SUGP2: variants seen among roughly 807,000 people sequenced by gnomAD.
The protein encoded by SUGP2 is SURP and G-patch domain containing 2.
In SUGP2, 24 loss-of-function variants were observed where a neutral mutation model predicts 90.5. The ratio of observed to expected loss-of-function variants is 0.27; its 90% CI spans 0.19 to 0.37. The LOEUF (loss-of-function observed/expected upper bound fraction) is 0.37, where lower values mean the gene tolerates loss of function less well. Among genes scored for constraint, SUGP2 ranks in the 10% least tolerant of loss-of-function variants. The pLI is 1.00. For synonymous variants in SUGP2, 473 were observed against 513.4 expected, an observed-to-expected ratio of 0.92 and a Z score of 1.06; for missense variants, 1,233 against 1,363.3, an observed-to-expected ratio of 0.90 and a Z score of 1.51.
At chr19:19,031,309 G>A (rs1244960947) in intron 1 of SUGP2, among the ~76,000 whole-genome samples, 4 of 152,174 alleles carry the variant, frequency 2.6e-5, no homozygotes, top group East Asian at 1.9e-4. Flanking sequence ...TGAGGTGAGC[G>A]GATCATTTAA....
chr19:19,006,584 A>G (rs1316371684), intron 6 of SUGP2, among the ~76,000 whole-genome samples: 3 of 152,232 alleles, frequency 2.0e-5, no homozygotes, highest in African/African-American at 7.2e-5. Flanking sequence ...TTCATTGAAA[A>G]AAAAGAAAGT....
At chr19:19,007,636 A>G (rs1341709221) in intron 6 of SUGP2, among the ~76,000 whole-genome samples, 1 of 149,176 alleles carries the variant, frequency 6.7e-6, no homozygotes, top group Non-Finnish European at 1.5e-5. Flanking sequence ...TTTTATTTTT[A>G]GTATAGAGAC....
rs1256907670 is a variant in SUGP2 at position 18,991,217 on chromosome 19, G to C, written c.*2524C>G. The C allele has an allele frequency of 6.6e-6, 1 of 152,138 alleles. No individual in the cohort carries two copies. Among genetic ancestry groups the C allele is most frequent in the South Asian group, 2.1e-4 (1 of 4,814 alleles). The allele number at this position is 152,138 out of a possible 1,614,324, so 9.4% of individuals were successfully genotyped here. On this transcript the variant is annotated 3_prime_UTR_variant, in exon 11 of 11. Transcript: ENST00000452918. ...CCACCACACATCACGCGCGACACGA[G>C]GATCCTGCAGAGCGGCCTCTGCAGA...
In SUGP2 at chr19:19,024,910, A is replaced by C; in HGVS notation, c.1438T>G (p.Leu480Val). The change falls in exon 3 of 11, where the codon TTG becomes GTG. Residue 480 changes from leucine to valine, a missense_variant. This residue lies in a region of SUGP2 where 59 missense variants were observed against 92.6 expected (regional missense o/e 0.64). Transcript: ENST00000452918. Reference sequence around the variant, plus strand: ...GAAAATGTCTGTCCCAAAAGGGCCAAAGACTTCCGGCAGAGAGAGTTGGTG... The same window carrying C: ...GAAAATGTCTGTCCCAAAAGGGCCACAGACTTCCGGCAGAGAGAGTTGGTG... Reference protein sequence around the residue: ...ETTNSLCRKSLALLGQTFSLA... With the variant: ...ETTNSLCRKSVALLGQTFSLA... 6.2e-7 allele frequency: 1 copy of C among 1,614,196 alleles called. No individual in the cohort carries two copies. The highest frequency in any genetic ancestry group is 8.5e-7 in the Non-Finnish European group (1 of 1,180,038).
intron 8 of SUGP2, among the ~76,000 whole-genome samples, chr19:19,000,710 C>CA (rs1298378292): frequency 2.1e-5 from 3 of 144,040 alleles, no homozygotes; most frequent in African/African-American, 7.7e-5. Flanking sequence ...ATAACTTGAA[C>CA]TTTTTTTTTT....
chr19:19,026,482 C>T (rs2058937526), intron 2 of SUGP2, among the ~76,000 whole-genome samples: 1 of 152,224 alleles, frequency 6.6e-6, no homozygotes, highest in South Asian at 2.1e-4. Flanking sequence ...ATGACGTCAA[C>T]CCAGGCTGGG....
At chr19:19,033,539 CCGCAGCGCCGCGCCGCGCAGG>C (rs2059284438), upstream of SUGP2, 4 of 1,324,840 alleles carry the variant, frequency 3.0e-6, no homozygotes, top group South Asian at 5.2e-5. Flanking sequence ...CCAACGGTCT[CCGCAGCGCCGCGCCGCGCAGG>C]CGCAAGCCGC....
intron 4 of SUGP2, among the ~76,000 whole-genome samples, chr19:19,017,998 C>T (rs1434067898): frequency 6.6e-6 from 1 of 151,210 alleles, no homozygotes; most frequent in Non-Finnish European, 1.5e-5. Context: ...AATCCCAGCA[C>T]TTTGGGAGGC....
In SUGP2 at chr19:19,024,866, C is replaced by T; in HGVS notation, c.1482G>A (p.Arg494=). Residue 494 remains arginine, a synonymous_variant, in exon 3 of 11, where the codon CGG becomes CGA. Transcript: ENST00000452918. The part of the protein sequence containing the change: ...GQTFSLASSF[R]QEKILEAVGL... ...CGACAGCTTCTAAGATTTTCTCCTG[C>T]CGGAAAGAAGAGGCCAAGGAAAATG... 3 of 1,614,136 alleles carry T rather than the reference C, an allele frequency of 1.9e-6. No individual in the cohort carries two copies. The highest frequency in any genetic ancestry group is 1.1e-5 in the South Asian group (1 of 91,076).
intron 1 of SUGP2, among the ~76,000 whole-genome samples, chr19:19,031,307 G>A (rs1282613700): frequency 6.6e-6 from 1 of 152,166 alleles, no homozygotes; most frequent in African/African-American, 2.4e-5. Context: ...GCTGAGGTGA[G>A]CGGATCATTT....
intron 4 of SUGP2, among the ~76,000 whole-genome samples, chr19:19,012,777 C>T (rs1363708777): frequency 1.3e-5 from 2 of 152,168 alleles, no homozygotes; most frequent in Non-Finnish European, 2.9e-5. Context: ...ATTTGGATTA[C>T]GTCGTCTACG....
chr19:19,025,119 C>T lies in SUGP2; in HGVS notation c.1229G>A (p.Gly410Asp), dbSNP rs760797503. ...AAAGCAATTTTTGGTCTTCACAGCA[C>T]CTTTGTCTAAAAGCATGTTTAAAAA... is the stretch of plus-strand genomic sequence containing the variant. ...NEFLNMLLDK[G>D]AVKTKNCFFE... The change falls in exon 3 of 11, where the codon GGT becomes GAT. Residue 410 changes from glycine (G) to aspartate (D), a missense_variant. Around this residue, in one of 8 missense-constraint regions of SUGP2, gnomAD observed 55 missense variants for 82.0 expected, o/e 0.67. Coordinates refer to ENST00000452918, the MANE Select transcript of SUGP2 (RefSeq NM_001017392.5). 1.2e-6 allele frequency: 2 copies of T among 1,613,816 alleles called. No homozygotes were observed. Among genetic ancestry groups the T allele is most frequent in the Non-Finnish European group, 1.7e-6 (2 of 1,179,970 alleles).
Position 19,031,011 on chromosome 19 carries a change from G to T in SUGP2, c.61C>A (p.Arg21=). 1.2e-6 allele frequency: 2 copies of T among 1,613,862 alleles called. No homozygotes were observed. Among genetic ancestry groups the T allele is most frequent in the Non-Finnish European group, 1.7e-6 (2 of 1,179,962 alleles). Residue 21 remains arginine (R), a synonymous_variant, in exon 2 of 11, where the codon CGA becomes AGA. Coordinates refer to ENST00000452918, the MANE Select transcript of SUGP2 (RefSeq NM_001017392.5). ...TCACCACTGGCATCCATGTGATATC[G>T]TTTGGCTTTTTCTTGTAATACAGCA... is the stretch of plus-strand genomic sequence containing the variant. ...FDAVLQEKAK[R]YHMDASGEAV...
chr19:19,016,076 G>A (rs2058489561), intron 4 of SUGP2, among the ~76,000 whole-genome samples: 3 of 152,106 alleles, frequency 2.0e-5, no homozygotes, highest in Non-Finnish European at 4.4e-5. Flanking sequence ...GTCTTCTAGG[G>A]TGTCAGGAGT....
At chr19:19,033,607 C>A, upstream of SUGP2, 1 of 1,180,136 alleles carries the variant, frequency 8.5e-7, no homozygotes, top group South Asian at 4.1e-5. Flanking sequence ...GCCGCCGCGG[C>A]CCGGCTCTCT....
At position 18,995,921 on chromosome 19, in the gene SUGP2, G is replaced by C. The variant is rs368217971; in HGVS notation, c.2992-641C>G. Among the ~76,000 whole-genome samples the C allele has an allele frequency of 5.9e-5, 9 of 152,194 alleles. No homozygotes were observed. The East Asian group carries it at 1.7e-3, about 29-fold the overall frequency. On this transcript the variant is annotated intron_variant, in intron 8 of 10. Coordinates refer to ENST00000452918, the MANE Select transcript of SUGP2 (RefSeq NM_001017392.5). ...TGGTGGGGAAGTGCAGCAATCTCTG[G>C]GCCACTAGATGGAGATCTGGAGACA...
chr19:19,003,834 A>G (rs115722840), intron 7 of SUGP2, among the ~76,000 whole-genome samples: 2,563 of 152,308 alleles, frequency 0.017, 82 homozygotes, highest in African/African-American at 0.059. Context: ...CCAGGGGCTC[A>G]GAAGGGCCCC....
At chr19:18,998,520 A>G (rs1405183150) in intron 8 of SUGP2, among the ~76,000 whole-genome samples, 1 of 152,190 alleles carries the variant, frequency 6.6e-6, no homozygotes, top group Non-Finnish European at 1.5e-5. Context: ...TCAAAGGCGG[A>G]GGGAAATTCC....
chr19:18,994,276 AG>A (rs1473371013), intron 10 of SUGP2, 89 bp downstream of exon 10: 2 of 1,527,796 alleles, frequency 1.3e-6, no homozygotes, highest in Non-Finnish European at 1.8e-6. Flanking sequence ...TTGGGGGAGC[AG>A]GGAACATCAA....
Sources: gnomAD v4.1 joint callset for allele counts (sites outside exome capture counted in the v4.1 genomes callset) on GRCh38, gnomAD v4.1.1 for gene constraint, gnomAD v4.1.1 regional missense constraint, MANE v1.5 for transcripts, NCBI Gene and HGNC (gene_info 2026-07-23, HGNC 2026-07-21) for gene names.